The following TRIT1 variants were observed in gnomAD, a reference collection of about 807,000 sequenced individuals.
TRIT1 encodes the protein tRNA isopentenyltransferase 1.
In TRIT1, 43 loss-of-function variants were observed where a neutral mutation model predicts 51.2. That is an observed-to-expected ratio of 0.84 (90% confidence interval 0.66 to 1.08). TRIT1 has a LOEUF of 1.08. TRIT1 is among the 50% of genes least tolerant of loss of function. TRIT1 has a pLI of 0.00. For synonymous variants in TRIT1, 184 were observed against 203.9 expected (o/e 0.90, Z 0.83); for missense variants, 528 against 578.4 (o/e 0.91, Z 0.89).
intron 1 of TRIT1, among the ~76,000 whole-genome samples, chr1:39,880,726 G>A (rs1644231854): frequency 6.6e-6 from 1 of 151,602 alleles, no homozygotes; most frequent in Non-Finnish European, 1.5e-5. Flanking sequence ...TTGAACCTGG[G>A]AGGCAGAGGG....
intron 1 of TRIT1, among the ~76,000 whole-genome samples, chr1:39,867,574 G>A (rs1643623518): frequency 1.3e-5 from 2 of 152,220 alleles, no homozygotes; most frequent in African/African-American, 2.4e-5. Flanking sequence ...TTAGGGCAGA[G>A]AATGCAAAAT....
At chr1:39,863,528 A>G (rs1385809306) in intron 1 of TRIT1, among the ~76,000 whole-genome samples, 1 of 152,326 alleles carries the variant, frequency 6.6e-6, no homozygotes, top group Middle Eastern at 3.4e-3. Context: ...AAGAAGATAC[A>G]TGATACAAGA....
chr1:39,868,292 G>A (rs1404765978), intron 1 of TRIT1, among the ~76,000 whole-genome samples: 1 of 152,152 alleles, frequency 6.6e-6, no homozygotes, highest in Non-Finnish European at 1.5e-5. Flanking sequence ...GCCACAGATT[G>A]GGAGAAAATA....
At chr1:39,852,693 G>C in intron 4 of TRIT1, 38 bp downstream of exon 4, 2 of 1,602,530 alleles carry the variant, frequency 1.2e-6, no homozygotes, top group Non-Finnish European at 1.7e-6. Flanking sequence ...CTCTCTAGTT[G>C]TAAAGGAATT....
At chr1:39,864,230 T>C (rs950140196) in intron 1 of TRIT1, among the ~76,000 whole-genome samples, 3 of 151,686 alleles carry the variant, frequency 2.0e-5, no homozygotes, top group Non-Finnish European at 2.9e-5. Context: ...GGGGTGCTAC[T>C]AGCATTTAGA....
chr1:39,843,006 C>T (rs115586258), intron 10 of TRIT1, among the ~76,000 whole-genome samples: 1,734 of 152,270 alleles, frequency 0.011, 22 homozygotes, highest in African/African-American at 0.04. Flanking sequence ...CTAAGGCTAT[C>T]CCTGAAGAAC....
intron 1 of TRIT1, among the ~76,000 whole-genome samples, chr1:39,858,751 A>G (rs1643045562): frequency 6.6e-6 from 1 of 152,214 alleles, no homozygotes. Context: ...AAATAATGTA[A>G]ATAAGAGCCA....
intron 1 of TRIT1, among the ~76,000 whole-genome samples, chr1:39,866,034 A>G (rs2124648531): frequency 1.3e-5 from 2 of 150,522 alleles, no homozygotes; most frequent in Middle Eastern, 6.8e-3. Context: ...AAGAAAAGAA[A>G]AGAAAAGAAA....
chr1:39,870,968 C>T (rs1302237992), intron 1 of TRIT1, among the ~76,000 whole-genome samples: 6 of 152,126 alleles, frequency 3.9e-5, no homozygotes, highest in African/African-American at 9.7e-5. Context: ...CTGAGGAGGG[C>T]GGATCACCTG....
At chr1:39,864,362 C>A (rs1017101325) in intron 1 of TRIT1, among the ~76,000 whole-genome samples, 5 of 151,826 alleles carry the variant, frequency 3.3e-5, no homozygotes, top group Non-Finnish European at 7.4e-5. Context: ...GTAATCCCAG[C>A]ACTTTGGGAG....
chr1:39,846,623 C>T lies in TRIT1; in HGVS notation c.1006+597G>A, dbSNP rs1642239809. 2.6e-5 allele frequency among the ~76,000 whole-genome samples: 4 copies of T among 152,146 alleles called. No homozygotes were observed. The South Asian group carries it at 8.3e-4, about 32-fold the overall frequency. ...CTTCACTAGGCCTTCATTTTCTTAT[C>T]TGTAAAAATAAAAGAATAACACCTA... On this transcript the variant is annotated intron_variant, in intron 8 of 10. Coordinates refer to ENST00000316891, the MANE Select transcript of TRIT1 (RefSeq NM_017646.6).
At chr1:39,855,710 T>C (rs893217326) in intron 2 of TRIT1, among the ~76,000 whole-genome samples, 15 of 152,130 alleles carry the variant, frequency 9.9e-5, no homozygotes, top group African/African-American at 3.6e-4. Context: ...AAGGGAAAAA[T>C]GTTAAGATTC....
chr1:39,862,546 CTTTA>C (rs897283493), intron 1 of TRIT1, among the ~76,000 whole-genome samples: 14 of 152,180 alleles, frequency 9.2e-5, no homozygotes, highest in Admixed American at 5.9e-4. Context: ...TATGGGTATC[CTTTA>C]TTTATCAAAT....
rs796230029 is a variant in TRIT1, at chr1:39,872,780, C to CACACACACACAG, written c.174+10537_174+10538insCTGTGTGTGTGT. ...ACACACACACACACACACACACACACAGAGAGAGAGAGAAAGAGAGAGAAA... is the reference window on the plus strand; with the variant it reads ...ACACACACACACACACACACACACACACACACACACAGAGAGAGAGAGAGAAAGAGAGAGAAA... On this transcript the variant is annotated intron_variant, in intron 1 of 10. Transcript: ENST00000316891. Among the ~76,000 whole-genome samples the CACACACACACAG allele has an allele frequency of 2.5e-4, 27 of 106,166 alleles. No individual in the cohort carries two copies. The East Asian group carries it at 5.1e-3, about 20-fold the overall frequency. The allele number at this position is 106,166 out of a possible 152,430, so 69.6% of individuals were successfully genotyped here. A position where few individuals can be genotyped will look rare whatever the true frequency, so the allele number is the denominator to read the frequency against.
intron 8 of TRIT1, among the ~76,000 whole-genome samples, chr1:39,844,865 G>A (rs1296160003): frequency 6.6e-6 from 1 of 152,242 alleles, no homozygotes; most frequent in African/African-American, 2.4e-5. Context: ...CATGGGTGCA[G>A]GATCTTCCAG....
chr1:39,847,733 G>C (rs943730097), intron 6 of TRIT1, 73 bp from the exon 7 acceptor site: 3 of 1,605,446 alleles, frequency 1.9e-6, no homozygotes, highest in Non-Finnish European at 2.6e-6. Context: ...GATGGACCTA[G>C]TTGAGCCATT....
chr1:39,869,319 G>A (rs1387372848), intron 1 of TRIT1, among the ~76,000 whole-genome samples: 1 of 152,234 alleles, frequency 6.6e-6, no homozygotes, highest in African/African-American at 2.4e-5. Context: ...TGGCCGGGCT[G>A]GTCTCCAGCT....
At chr1:39,867,914 A>C (rs1643641467) in intron 1 of TRIT1, among the ~76,000 whole-genome samples, 1 of 151,816 alleles carries the variant, frequency 6.6e-6, no homozygotes, top group South Asian at 2.1e-4. Context: ...ACTGAGGAAA[A>C]GACAGCTACC....
intron 1 of TRIT1, among the ~76,000 whole-genome samples, chr1:39,874,742 T>G (rs1270658585): frequency 6.6e-6 from 1 of 151,996 alleles, no homozygotes; most frequent in Non-Finnish European, 1.5e-5. Context: ...CTCGGCTCAC[T>G]GCAACCTCCG....
Sources: gnomAD v4.1 joint callset for allele counts (sites outside exome capture counted in the v4.1 genomes callset) on GRCh38, gnomAD v4.1.1 for gene constraint, MANE v1.5 for transcripts, NCBI Gene and HGNC (gene_info 2026-07-23, HGNC 2026-07-21) for gene names.